Variants in FAAH2 observed in about 807,000 individuals in gnomAD.
The protein encoded by FAAH2 is fatty-acid amide hydrolase 2.
In FAAH2, 60 loss-of-function variants were observed where a neutral mutation model predicts 36.9. The observed-to-expected ratio is 1.63, with a 90% CI of 1.32 to 2.02. The LOEUF (loss-of-function observed/expected upper bound fraction) is 2.02, where lower values mean the gene tolerates loss of function less well. FAAH2 is among the 30% of genes most tolerant of loss of function. The pLI, the probability that FAAH2 is intolerant of heterozygous loss-of-function variation, is 0.00. For synonymous variants in FAAH2, 214 were observed against 143.8 expected, an observed-to-expected ratio of 1.49 and a Z score of -3.49; for missense variants, 689 against 397.5, an observed-to-expected ratio of 1.73 and a Z score of -6.23.
chrX:57,433,732 A>G (rs1386955179), intron 8 of FAAH2, among the ~76,000 whole-genome samples: 2 of 112,365 alleles, frequency 1.8e-5, no homozygotes, highest in African/African-American at 6.5e-5. Flanking sequence ...TTTATACTCA[A>G]TAATCATCCC....
the FAAH2 span, among the ~76,000 whole-genome samples, chrX:57,262,880 T>C: frequency 9.0e-6 from 1 of 111,623 alleles, no homozygotes; most frequent in Non-Finnish European, 1.9e-5. Flanking sequence ...TATTAATCAA[T>C]GCAGAAGGAA....
intron 5 of FAAH2, among the ~76,000 whole-genome samples, chrX:57,348,957 GC>G (rs2053904165): frequency 9.5e-6 from 1 of 105,589 alleles, no homozygotes; most frequent in Admixed American, 1.1e-4. Flanking sequence ...ATCTCAAAAT[GC>G]CATTTAAAGA....
chrX:57,477,351 G>C (rs1334903444), intron 10 of FAAH2, among the ~76,000 whole-genome samples: 1 of 110,959 alleles, frequency 9.0e-6, no homozygotes, highest in African/African-American at 3.3e-5. Flanking sequence ...ATATTAAGCT[G>C]TAATGGGTAC....
intron 7 of FAAH2, among the ~76,000 whole-genome samples, chrX:57,387,783 G>A (rs2055063144): frequency 9.0e-6 from 1 of 111,218 alleles, no homozygotes; most frequent in Non-Finnish European, 1.9e-5. Context: ...TCTATAATCT[G>A]TCATTGCATA....
chrX:57,160,697 C>G, the FAAH2 span, among the ~76,000 whole-genome samples: 1 of 111,825 alleles, frequency 8.9e-6, no homozygotes, highest in Non-Finnish European at 1.9e-5. Flanking sequence ...TCCCCTTTGT[C>G]CTTTTTTATT....
chrX:57,348,609 C>T (rs2053895441), intron 5 of FAAH2, among the ~76,000 whole-genome samples: 1 of 110,979 alleles, frequency 9.0e-6, no homozygotes, highest in Non-Finnish European at 1.9e-5. Flanking sequence ...TGGTGTCAGT[C>T]CCTAGCACAG....
chrX:57,280,403 C>A, the FAAH2 span, among the ~76,000 whole-genome samples: 1 of 110,599 alleles, frequency 9.0e-6, no homozygotes, highest in Non-Finnish European at 1.9e-5. Flanking sequence ...GAACAGAAGA[C>A]ATGAAAAGAT....
At chrX:57,328,980 AC>A (rs1352245572) in intron 3 of FAAH2, among the ~76,000 whole-genome samples, 1 of 111,557 alleles carries the variant, frequency 9.0e-6, no homozygotes, top group Non-Finnish European at 1.9e-5. Flanking sequence ...CTGCCAGATC[AC>A]TGGTCATAAT....
At chrX:57,403,731 C>T (rs902057500) in intron 7 of FAAH2, among the ~76,000 whole-genome samples, 1 of 112,027 alleles carries the variant, frequency 8.9e-6, no homozygotes, top group Admixed American at 9.5e-5. Context: ...TTATTGAATA[C>T]CCATTGTGTT....
intron 5 of FAAH2, among the ~76,000 whole-genome samples, chrX:57,341,748 A>G (rs1402374895): frequency 9.0e-6 from 1 of 111,320 alleles, no homozygotes; most frequent in Non-Finnish European, 1.9e-5. Context: ...ACCTACTTGG[A>G]TTACAGGAGG....
intron 3 of FAAH2, among the ~76,000 whole-genome samples, chrX:57,314,625 C>T (rs1238248220): frequency 9.0e-6 from 1 of 111,054 alleles, no homozygotes; most frequent in South Asian, 3.7e-4. Flanking sequence ...TGAAAAACTC[C>T]TAGATGGACA....
At chrX:57,147,499 A>C in the FAAH2 span, among the ~76,000 whole-genome samples, 3 of 111,875 alleles carry the variant, frequency 2.7e-5, no homozygotes, top group African/African-American at 9.7e-5. Context: ...TATCTTTTAA[A>C]AGAACCAGCT....
chrX:57,179,047 C>T, the FAAH2 span, among the ~76,000 whole-genome samples: 1 of 111,361 alleles, frequency 9.0e-6, no homozygotes, highest in Non-Finnish European at 1.9e-5. Flanking sequence ...GAAGAAATAA[C>T]ATCCTATTCA....
intron 7 of FAAH2, among the ~76,000 whole-genome samples, chrX:57,412,827 G>C (rs2055736416): frequency 9.0e-6 from 1 of 111,508 alleles, no homozygotes; most frequent in Non-Finnish European, 1.9e-5. Flanking sequence ...TGAACTAATT[G>C]ATACTCCAAC....
the FAAH2 span, among the ~76,000 whole-genome samples, chrX:57,219,381 C>A: frequency 9.0e-6 from 1 of 111,548 alleles, no homozygotes; most frequent in Non-Finnish European, 1.9e-5. Context: ...TGGACCTAGC[C>A]CTCCACCCCA....
At chrX:57,476,038 G>A (rs1005391840) in intron 10 of FAAH2, among the ~76,000 whole-genome samples, 7 of 111,463 alleles carry the variant, frequency 6.3e-5, no homozygotes, top group Admixed American at 9.6e-5. Flanking sequence ...TTTGTACATC[G>A]ATTTTGTATC....
At chrX:57,360,851 G>A (rs1042160973) in intron 5 of FAAH2, among the ~76,000 whole-genome samples, 12 of 110,066 alleles carry the variant, frequency 1.1e-4, no homozygotes, top group South Asian at 4.0e-4. Context: ...GACAGGCCCC[G>A]GTGTGTGTTG....
chrX:57,448,936 G>A (rs1195004475), intron 10 of FAAH2, among the ~76,000 whole-genome samples: 2 of 111,715 alleles, frequency 1.8e-5, no homozygotes, highest in Non-Finnish European at 3.8e-5. Flanking sequence ...AAGTGCATAT[G>A]AGTATCCACA....
chrX:57,392,444 A>T (rs751343052), intron 7 of FAAH2, among the ~76,000 whole-genome samples: 14 of 111,618 alleles, frequency 1.3e-4, no homozygotes, highest in Non-Finnish European at 2.4e-4. Flanking sequence ...GTAAATAGAC[A>T]TGTGCATGAT....
Sources: allele counts gnomAD v4.1 joint callset (sites outside exome capture counted in the v4.1 genomes callset), GRCh38; gene constraint gnomAD v4.1.1; transcripts MANE v1.5; gene names NCBI Gene and HGNC (gene_info 2026-07-23, HGNC 2026-07-21).